Variants in RGS17 observed in about 807,000 individuals in gnomAD.
The protein encoded by RGS17 is regulator of G protein signaling 17, also known as regulator of G-protein signaling 17.
In RGS17, 12 loss-of-function variants were observed where a neutral mutation model predicts 25.5. The observed-to-expected ratio is 0.47, with a 90% CI of 0.30 to 0.76. RGS17 has a LOEUF of 0.76. Among genes scored for constraint, RGS17 ranks in the 30% least tolerant of loss-of-function variants. The probability of loss-of-function intolerance (pLI) is 0.07; values close to 1 mark genes in which losing one functional copy is unlikely to be tolerated. For missense variants in RGS17, 196 were observed against 242.2 expected (o/e 0.81, Z 1.27); for synonymous variants, 71 against 76.9 (o/e 0.92, Z 0.40).
intron 1 of RGS17, among the ~76,000 whole-genome samples, chr6:153,129,575 A>G (rs937379159): frequency 1.3e-4 from 20 of 152,226 alleles, no homozygotes; most frequent in African/African-American, 4.8e-4. Flanking sequence ...AGAAGGGTTC[A>G]TCACCCGGAA....
chr6:153,023,606 GA>G (rs1779268557), intron 4 of RGS17, among the ~76,000 whole-genome samples: 1 of 152,176 alleles, frequency 6.6e-6, no homozygotes, highest in Non-Finnish European at 1.5e-5. Flanking sequence ...TTGGCAATGG[GA>G]AAGACACTTG....
At chr6:153,091,589 T>C in intron 1 of RGS17, among the ~76,000 whole-genome samples, 1 of 152,094 alleles carries the variant, frequency 6.6e-6, no homozygotes, top group East Asian at 1.9e-4. Flanking sequence ...CTTGGCTCAC[T>C]GCAAACTCTG....
intron 1 of RGS17, among the ~76,000 whole-genome samples, chr6:153,068,434 G>A (rs905545651): frequency 6.6e-6 from 1 of 152,148 alleles, no homozygotes; most frequent in Non-Finnish European, 1.5e-5. Flanking sequence ...GTGACAGAGT[G>A]AGACTCCATC....
intron 4 of RGS17, among the ~76,000 whole-genome samples, chr6:153,016,770 A>C (rs1779189228): frequency 1.3e-5 from 2 of 152,224 alleles, no homozygotes; most frequent in Admixed American, 1.3e-4. Flanking sequence ...AGGTCAAATA[A>C]TAAGGATAAA....
intron 1 of RGS17, 90 bp downstream of exon 1, chr6:153,131,034 C>G (rs564163592): frequency 3.9e-5 from 6 of 152,120 alleles, no homozygotes; most frequent in African/African-American, 9.7e-5. Flanking sequence ...TCACCTCCCC[C>G]CTACCTTGAA....
intron 1 of RGS17, among the ~76,000 whole-genome samples, chr6:153,093,818 G>C (rs1254302476): frequency 6.6e-6 from 1 of 152,108 alleles, no homozygotes; most frequent in Non-Finnish European, 1.5e-5. Flanking sequence ...CTTGCAGTCA[G>C]GGGACTTGAA....
At chr6:153,017,952 C>T (rs1779200921) in intron 4 of RGS17, among the ~76,000 whole-genome samples, 1 of 152,196 alleles carries the variant, frequency 6.6e-6, no homozygotes, top group African/African-American at 2.4e-5. Context: ...CTAAAGAATA[C>T]ATGATCCTCC....
At chr6:153,064,364 C>T (rs1182130785) in intron 1 of RGS17, among the ~76,000 whole-genome samples, 1 of 152,162 alleles carries the variant, frequency 6.6e-6, no homozygotes, top group Non-Finnish European at 1.5e-5. Context: ...GGCACGGTGG[C>T]TCATGCCTGT....
intron 1 of RGS17, among the ~76,000 whole-genome samples, chr6:153,120,198 T>G (rs1777606142): frequency 6.6e-6 from 1 of 152,226 alleles, no homozygotes; most frequent in African/African-American, 2.4e-5. Flanking sequence ...TACTTGTTAC[T>G]TCCTACTTAA....
chr6:153,079,528 A>G (rs949200059), intron 1 of RGS17, among the ~76,000 whole-genome samples: 2 of 152,184 alleles, frequency 1.3e-5, no homozygotes, highest in Non-Finnish European at 2.9e-5. Flanking sequence ...ATTAATGTTG[A>G]ATTTTGTAAT....
At chr6:153,041,545 T>A (rs1776320939) in intron 2 of RGS17, among the ~76,000 whole-genome samples, 1 of 151,840 alleles carries the variant, frequency 6.6e-6, no homozygotes, top group African/African-American at 2.4e-5. Flanking sequence ...TCTCACTAAA[T>A]ATTTATATGG....
rs190484531 is a variant in RGS17 at position 153,067,632 on chromosome 6, A to G, written c.-25-23589T>C. ...GTGAAAGATCTTTATAAGGAAAATCATAAAACACTGATGAAATAAATTGAA... is the reference window on the plus strand; with the variant it reads ...GTGAAAGATCTTTATAAGGAAAATCGTAAAACACTGATGAAATAAATTGAA... On this transcript the variant is annotated intron_variant, in intron 1 of 4. Transcript: ENST00000206262. Among the ~76,000 whole-genome samples the G allele has an allele frequency of 5.1e-3, 780 of 152,330 alleles. 1 individual carries two copies. The highest frequency in any genetic ancestry group is 8.8e-3 in the Non-Finnish European group (599 of 68,022).
In RGS17 at chr6:153,063,282, G is replaced by A. The variant is rs138959700; in HGVS notation, c.-25-19239C>T. ...AAGAAACAGAGATATATGACCTTTC[G>A]GACAGAGAATTCAAAATATCAGTTT... On this transcript the variant is annotated intron_variant, in intron 1 of 4. Coordinates refer to ENST00000206262, the MANE Select transcript of RGS17 (RefSeq NM_012419.5). Among the ~76,000 whole-genome samples the A allele has an allele frequency of 3.6e-4, 55 of 152,098 alleles. No homozygotes were observed. In the East Asian group the frequency reaches 7.9e-3, roughly 22 times the overall value.
intron 1 of RGS17, among the ~76,000 whole-genome samples, chr6:153,129,681 T>G (rs1322295065): frequency 6.6e-6 from 1 of 152,198 alleles, no homozygotes. Flanking sequence ...CTTTATTATT[T>G]GTGAAAGCCA....
At chr6:153,129,944 C>G (rs1011144413) in intron 1 of RGS17, among the ~76,000 whole-genome samples, 1 of 152,088 alleles carries the variant, frequency 6.6e-6, no homozygotes, top group Non-Finnish European at 1.5e-5. Context: ...GGGCGGGTCC[C>G]GTACGCAGGG....
chr6:153,121,906 G>A (rs1777637622), intron 1 of RGS17, among the ~76,000 whole-genome samples: 2 of 151,936 alleles, frequency 1.3e-5, no homozygotes, highest in Non-Finnish European at 2.9e-5. Context: ...TCTACCTTAC[G>A]AAACCCCACT....
intron 1 of RGS17, among the ~76,000 whole-genome samples, chr6:153,100,631 A>G (rs1439516316): frequency 6.6e-6 from 1 of 152,202 alleles, no homozygotes; most frequent in Non-Finnish European, 1.5e-5. Flanking sequence ...CCTTTTATCT[A>G]ACTTACTTCT....
chr6:153,064,214 A>G (rs1776676235), intron 1 of RGS17, among the ~76,000 whole-genome samples: 1 of 152,234 alleles, frequency 6.6e-6, no homozygotes, highest in African/African-American at 2.4e-5. Context: ...TAACTGTGGT[A>G]TGTAAACTAC....
chr6:153,111,787 T>C (rs937446712), intron 1 of RGS17, among the ~76,000 whole-genome samples: 3 of 152,164 alleles, frequency 2.0e-5, no homozygotes, highest in African/African-American at 7.2e-5. Context: ...CTGCTGGTGA[T>C]ACCCAGGCAA....
Sources: allele counts gnomAD v4.1 joint callset (sites outside exome capture counted in the v4.1 genomes callset), GRCh38; gene constraint gnomAD v4.1.1; transcripts MANE v1.5; gene names NCBI Gene and HGNC (gene_info 2026-07-23, HGNC 2026-07-21).